The following UPP2 variants were observed in gnomAD, a reference collection of about 807,000 sequenced individuals.
The protein encoded by UPP2 is uridine phosphorylase 2, also known as UPase 2.
UPP2 carries 23 observed loss-of-function variants against 26.7 expected under a neutral mutation model. That is an observed-to-expected ratio of 0.86 (90% CI 0.62 to 1.22). The LOEUF is 1.22. Ranked by LOEUF, UPP2 falls within the 50% of genes most tolerant of loss-of-function variation. UPP2 has a pLI of 0.00. For synonymous variants in UPP2, 127 were observed against 141.3 expected (o/e 0.90, Z 0.72); for missense variants, 387 against 396.7 (o/e 0.98, Z 0.21).
chr2:158,127,674 C>G (rs1683723773), intron 6 of UPP2, among the ~76,000 whole-genome samples: 1 of 152,198 alleles, frequency 6.6e-6, no homozygotes, highest in African/African-American at 2.4e-5. Flanking sequence ...AGATCTACAA[C>G]CTCTGGGTCT....
At chr2:158,022,521 A>G (rs1338041454) in intron 3 of UPP2, among the ~76,000 whole-genome samples, 1 of 151,828 alleles carries the variant, frequency 6.6e-6, no homozygotes, top group Non-Finnish European at 1.5e-5. Flanking sequence ...CATGTTTTCT[A>G]ATTTATTCTA....
chr2:158,127,781 G>T (rs917422271), intron 6 of UPP2, among the ~76,000 whole-genome samples: 2 of 152,230 alleles, frequency 1.3e-5, no homozygotes, highest in African/African-American at 2.4e-5. Flanking sequence ...AGAAAAGAGA[G>T]TTGGGAATCC....
At chr2:158,099,214 C>G (rs1004647912), upstream of UPP2, among the ~76,000 whole-genome samples, 1 of 152,122 alleles carries the variant, frequency 6.6e-6, no homozygotes, top group African/African-American at 2.4e-5. Context: ...TCAGCACTTC[C>G]TAGACTTCCT....
chr2:158,061,753 G>T lies in UPP2; in HGVS notation c.148-40287G>T, dbSNP rs1682355379. 2.0e-5 allele frequency among the ~76,000 whole-genome samples: 3 copies of T among 152,202 alleles called. No homozygotes were observed. In the South Asian group the frequency reaches 6.2e-4, roughly 32 times the overall value. On this transcript the variant is annotated intron_variant, in intron 3 of 9. Transcript: ENST00000605860. ...TCTCTTCCTGCTCCTTCCCAGGATG[G>T]ACTCGAAGCTGTGTGCAGGTTTGTG...
At chr2:158,059,384 G>T (rs2105177671) in intron 3 of UPP2, among the ~76,000 whole-genome samples, 1 of 152,320 alleles carries the variant, frequency 6.6e-6, no homozygotes, top group South Asian at 2.1e-4. Flanking sequence ...TAAATTGATG[G>T]CTAGGATGAC....
At chr2:158,091,300 C>T (rs1378254933) in intron 3 of UPP2, among the ~76,000 whole-genome samples, 1 of 151,992 alleles carries the variant, frequency 6.6e-6, no homozygotes, top group African/African-American at 2.4e-5. Flanking sequence ...TGAGGAAACA[C>T]TAATGAGAGA....
intron 4 of UPP2, among the ~76,000 whole-genome samples, chr2:158,118,866 T>C (rs1683499464): frequency 6.6e-6 from 1 of 152,008 alleles, no homozygotes; most frequent in Non-Finnish European, 1.5e-5. Context: ...GAGCCATGCT[T>C]CACTAGAAAT....
intron 3 of UPP2, among the ~76,000 whole-genome samples, chr2:158,018,733 T>C (rs1428997433): frequency 6.6e-6 from 1 of 152,222 alleles, no homozygotes; most frequent in Non-Finnish European, 1.5e-5. Flanking sequence ...AGGATATCTT[T>C]TCCCTTTTGT....
At chr2:158,119,398 A>G (rs1393947088) in intron 4 of UPP2, among the ~76,000 whole-genome samples, 1 of 151,772 alleles carries the variant, frequency 6.6e-6, no homozygotes. Context: ...CTCATTAAGA[A>G]CTCTTAGCTT....
At chr2:158,067,189 T>G (rs185350318) in intron 3 of UPP2, among the ~76,000 whole-genome samples, 18 of 148,814 alleles carry the variant, frequency 1.2e-4, no homozygotes, top group African/African-American at 4.6e-4. Context: ...GATAATTTGT[T>G]TTATTATGTA....
intron 1 of UPP2, among the ~76,000 whole-genome samples, chr2:158,105,712 T>C (rs1683178644): frequency 2.0e-5 from 3 of 152,238 alleles, no homozygotes; most frequent in African/African-American, 7.2e-5. Context: ...CAGCCTCCCA[T>C]GCAAAGAAAT....
rs1438492618 is a variant in UPP2, at chr2:158,121,419, AG to A, written c.468del (p.Thr157LeufsTer3). ...GTSGGIGIAPGTVVITDIAVD... is the reference protein window; with the variant it reads ...GTSGGIGIAPXTVVITDIAVD... The stretch of plus-strand genomic sequence containing the variant: ...ATTCCCACATTGCAGGGATTGCACC[AG>A]GGACTGTTGTAATAACGGATATAGC... On this transcript the variant is annotated frameshift_variant, in exon 5 of 7. Coordinates refer to ENST00000005756, the MANE Select transcript of UPP2 (RefSeq NM_173355.4). LOFTEE classifies it high-confidence loss of function. 3.1e-6 allele frequency: 5 copies of A among 1,612,484 alleles called. No individual in the cohort carries two copies. Among genetic ancestry groups the A allele is most frequent in the Non-Finnish European group, 4.2e-6 (5 of 1,178,598 alleles).
At chr2:158,131,170 G>A (rs1175717484) in intron 6 of UPP2, among the ~76,000 whole-genome samples, 1 of 152,126 alleles carries the variant, frequency 6.6e-6, no homozygotes, top group Non-Finnish European at 1.5e-5. Flanking sequence ...AATGGGGGAG[G>A]GTATGAACAT....
intron 3 of UPP2, among the ~76,000 whole-genome samples, chr2:158,066,463 AG>A (rs1333796068): frequency 1.3e-5 from 2 of 152,252 alleles, no homozygotes; most frequent in Non-Finnish European, 2.9e-5. Flanking sequence ...AGTACCATAC[AG>A]AACTAAAATC....
At chr2:158,090,855 C>G (rs1490171391) in intron 3 of UPP2, among the ~76,000 whole-genome samples, 4 of 152,154 alleles carry the variant, frequency 2.6e-5, no homozygotes, top group African/African-American at 9.7e-5. Flanking sequence ...GCCCCCGTGC[C>G]AAGGTGCTGG....
intron 2 of UPP2, among the ~76,000 whole-genome samples, chr2:158,000,150 G>GTCTCCTGGGTTCAAGTGAT (rs1189983255): frequency 1.3e-5 from 2 of 151,406 alleles, no homozygotes; most frequent in African/African-American, 4.9e-5. Context: ...TGCAACCTCT[G>GTCTCCTGGGTTCAAGTGAT]TCTCCTGGGT....
rs1683624386 is a variant in UPP2, at chr2:158,123,636, A to G, written c.665-113A>G. On this transcript the variant is annotated intron_variant, in intron 5 of 6. Coordinates refer to ENST00000005756, the MANE Select transcript of UPP2 (RefSeq NM_173355.4). ...GCTCAGTTTATCCTACACGGGGAGCACGCTGTAGAGTTAGACAGCGGCAGC... is the reference window on the plus strand; with the variant it reads ...GCTCAGTTTATCCTACACGGGGAGCGCGCTGTAGAGTTAGACAGCGGCAGC... 3 of 1,262,034 alleles carry G rather than the reference A, an allele frequency of 2.4e-6. No homozygotes were observed. The Admixed American group carries it at 7.4e-5, about 31-fold the overall frequency. The allele number at this position is 1,262,034 out of a possible 1,614,324, so 78.2% of individuals were successfully genotyped here.
intron 3 of UPP2, among the ~76,000 whole-genome samples, chr2:158,067,183 ATTTGT>A (rs201447493): frequency 0.011 from 1,699 of 152,152 alleles, 29 homozygotes; most frequent in Middle Eastern, 0.037. Context: ...ATACTTGATA[ATTTGT>A]TTTATTATGT....
At position 158,084,399 on chromosome 2, in the gene UPP2, T is replaced by C. The variant is rs542375407; in HGVS notation, c.148-17641T>C. Among the ~76,000 whole-genome samples, 9 of 152,224 alleles carry C rather than the reference T, an allele frequency of 5.9e-5. No homozygotes were observed. In the South Asian group the frequency reaches 1.9e-3, roughly 31 times the overall value. Reference sequence around the variant, plus strand: ...GTTCTTTATAGATTCAGGAAATTAGTCCTTTGTTGGATATATAAATTGCAA... The same window carrying C: ...GTTCTTTATAGATTCAGGAAATTAGCCCTTTGTTGGATATATAAATTGCAA... On this transcript the variant is annotated intron_variant, in intron 3 of 9. Transcript: ENST00000605860.
Sources: gnomAD v4.1 joint callset for allele counts (sites outside exome capture counted in the v4.1 genomes callset) on GRCh38, gnomAD v4.1.1 for gene constraint, MANE v1.5 for transcripts, NCBI Gene and HGNC (gene_info 2026-07-23, HGNC 2026-07-21) for gene names.